The following APTX variants were observed in gnomAD, a reference collection of about 807,000 sequenced individuals.
APTX encodes the protein forkhead-associated domain histidine triad-like protein.
Under a neutral mutation model 42.3 loss-of-function variants are expected in APTX, and 33 were observed. The ratio of observed to expected loss-of-function variants is 0.78; its 90% CI spans 0.59 to 1.04. The LOEUF is 1.04. APTX is among the 50% of genes least tolerant of loss of function. The pLI is 0.00. For synonymous variants in APTX, 130 were observed against 146.7 expected (o/e 0.89, Z 0.82); for missense variants, 421 against 415.1 (o/e 1.01, Z -0.12).
At chr9:33,008,504 G>A (rs1030108930) in intron 1 of APTX, among the ~76,000 whole-genome samples, 1 of 151,330 alleles carries the variant, frequency 6.6e-6, no homozygotes, top group Admixed American at 6.6e-5. Context: ...GCCTCCCAAA[G>A]TGCTGGAATT....
chr9:32,985,287 A>T (rs1368008701), intron 5 of APTX, among the ~76,000 whole-genome samples: 1 of 150,326 alleles, frequency 6.7e-6, no homozygotes, highest in Non-Finnish European at 1.5e-5. Flanking sequence ...AAGGAATATA[A>T]TTGAAGTGGG....
At chr9:32,997,960 C>T (rs1184925757) in intron 1 of APTX, among the ~76,000 whole-genome samples, 1 of 152,022 alleles carries the variant, frequency 6.6e-6, no homozygotes, top group African/African-American at 2.4e-5. Context: ...GGGAACAGGC[C>T]TAGAAGCAGG....
chr9:32,978,956 TA>T (rs1830076853), intron 6 of APTX, among the ~76,000 whole-genome samples: 2 of 152,218 alleles, frequency 1.3e-5, no homozygotes, highest in Non-Finnish European at 1.5e-5. Flanking sequence ...ACTAAAAGCA[TA>T]TTTTTTTGGA....
intron 2 of APTX, 130 bp from the exon 3 acceptor site, chr9:32,988,259 T>C: frequency 3.8e-6 from 3 of 781,898 alleles, no homozygotes; most frequent in East Asian, 2.6e-5. Flanking sequence ...AAAGGCCTAT[T>C]AGCAATCACC....
intron 1 of APTX, among the ~76,000 whole-genome samples, chr9:33,022,040 A>C (rs986135984): frequency 5.9e-5 from 9 of 152,066 alleles, no homozygotes; most frequent in African/African-American, 2.2e-4. Flanking sequence ...TATATTTATA[A>C]TGCTGGACTG....
chr9:32,976,540 A>G (rs895410359), intron 6 of APTX, among the ~76,000 whole-genome samples: 2 of 152,256 alleles, frequency 1.3e-5, no homozygotes, highest in Non-Finnish European at 2.9e-5. Flanking sequence ...TTAATGATTT[A>G]TACAATCCTT....
chr9:33,011,679 T>C (rs910805743), intron 1 of APTX, among the ~76,000 whole-genome samples: 3 of 152,248 alleles, frequency 2.0e-5, no homozygotes, highest in African/African-American at 4.8e-5. Context: ...TTTCTTTAAA[T>C]GTATCCATTC....
At chr9:32,998,692 G>A (rs925562285) in intron 1 of APTX, among the ~76,000 whole-genome samples, 1 of 152,086 alleles carries the variant, frequency 6.6e-6, no homozygotes, top group Non-Finnish European at 1.5e-5. Flanking sequence ...GGCAGAGGGA[G>A]GGGAACATCA....
intron 2 of APTX, among the ~76,000 whole-genome samples, chr9:32,989,341 A>G (rs1165819244): frequency 2.0e-5 from 3 of 152,172 alleles, no homozygotes; most frequent in Admixed American, 2.0e-4. Context: ...ACCCTAAGAC[A>G]AGTGCTAGAT....
At chr9:33,018,687 G>C (rs1838111370) in intron 1 of APTX, among the ~76,000 whole-genome samples, 1 of 150,750 alleles carries the variant, frequency 6.6e-6, no homozygotes, top group South Asian at 2.1e-4. Context: ...AGACCAGCCT[G>C]GCCAACATAG....
chr9:32,995,756 C>T (rs1470041326), intron 1 of APTX, among the ~76,000 whole-genome samples: 5 of 151,924 alleles, frequency 3.3e-5, no homozygotes, highest in South Asian at 4.1e-4. Flanking sequence ...GGCGTGGTGG[C>T]GGGCACCTGT....
At chr9:33,003,924 G>A (rs1285776098), upstream of APTX, among the ~76,000 whole-genome samples, 2 of 152,046 alleles carry the variant, frequency 1.3e-5, no homozygotes, top group Non-Finnish European at 2.9e-5. Flanking sequence ...CCACCATTTG[G>A]CTATTGTGAA....
In APTX at chr9:32,986,032, T is replaced by TAAAAAAAAAAAAAAAA. The variant is rs373304582; in HGVS notation, c.484-3_484-2insTTTTTTTTTTTTTTTT. The TAAAAAAAAAAAAAAAA allele has an allele frequency of 2.2e-5, 16 of 733,230 alleles. No homozygotes were observed. The highest frequency in any genetic ancestry group is 1.5e-4 in the Admixed American group (4 of 25,992). The allele number at this position is 733,230 out of a possible 1,614,324, so 45.4% of individuals were successfully genotyped here. A position where few individuals can be genotyped will look rare whatever the true frequency, so the allele number is the denominator to read the frequency against. ...TTGACTCCAGTGGCCCAGGGATTCC[T>TAAAAAAAAAAAAAAAA]AAAAAAAAAACAAAAAAAAAAACAA... On this transcript the variant is annotated splice_polypyrimidine_tract_variant and splice_region_variant and intron_variant, in intron 4 of 7. Transcript: ENST00000379817.
intron 1 of APTX, chr9:33,024,766 C>G (rs1248448309): frequency 6.6e-6 from 1 of 151,362 alleles, no homozygotes; most frequent in African/African-American, 2.4e-5. Flanking sequence ...AACAGCAAGA[C>G]CCAAGGCCTA....
intron 6 of APTX, among the ~76,000 whole-genome samples, chr9:32,978,946 A>C (rs1830072241): frequency 6.6e-6 from 1 of 152,156 alleles, no homozygotes; most frequent in Non-Finnish European, 1.5e-5. Context: ...CCATCACACT[A>C]CTAAAAGCAT....
chr9:32,992,062 G>A (rs1425019456), intron 1 of APTX, among the ~76,000 whole-genome samples: 3 of 152,058 alleles, frequency 2.0e-5, no homozygotes, highest in South Asian at 2.1e-4. Context: ...AGAGAGAGAG[G>A]ATGAGATCAC....
At chr9:33,012,942 T>C (rs1411411868) in intron 1 of APTX, among the ~76,000 whole-genome samples, 1 of 152,206 alleles carries the variant, frequency 6.6e-6, no homozygotes, top group African/African-American at 2.4e-5. Context: ...TATATACTTG[T>C]GTAAATGTTA....
chr9:33,005,540 A>C (rs562412068), upstream of APTX, among the ~76,000 whole-genome samples: 2 of 151,820 alleles, frequency 1.3e-5, no homozygotes, highest in Non-Finnish European at 2.9e-5. Context: ...AGACTCAAAC[A>C]ATCCTCCCAC....
At chr9:33,008,419 A>T (rs1277794564) in intron 1 of APTX, among the ~76,000 whole-genome samples, 4 of 151,564 alleles carry the variant, frequency 2.6e-5, no homozygotes, top group South Asian at 2.1e-4. Flanking sequence ...TTTTTTTTTT[A>T]AATTAGAGAC....
Sources: gnomAD v4.1 joint callset for allele counts (sites outside exome capture counted in the v4.1 genomes callset) on GRCh38, gnomAD v4.1.1 for gene constraint, MANE v1.5 for transcripts, NCBI Gene and HGNC (gene_info 2026-07-23, HGNC 2026-07-21) for gene names.